Variants in CPNE8 observed in about 807,000 individuals in gnomAD.
CPNE8 encodes copine-8.
Under a neutral mutation model 81.5 loss-of-function variants are expected in CPNE8, and 45 were observed. The ratio of observed to expected loss-of-function variants is 0.55; its 90% CI spans 0.44 to 0.71. The LOEUF is 0.71. Among genes scored for constraint, CPNE8 ranks in the 30% least tolerant of loss-of-function variants. CPNE8 has a pLI of 0.00. For missense variants in CPNE8, 594 were observed against 672.1 expected (o/e 0.88, Z 1.28); for synonymous variants, 252 against 226.3 (o/e 1.11, Z -1.02).
intron 6 of CPNE8, among the ~76,000 whole-genome samples, chr12:38,811,181 T>C (rs1387575317): frequency 1.3e-5 from 2 of 151,890 alleles, no homozygotes; most frequent in African/African-American, 4.8e-5. Flanking sequence ...TTCCTAGGCA[T>C]ATAAGACATA....
intron 6 of CPNE8, among the ~76,000 whole-genome samples, chr12:38,811,103 A>G (rs944498083): frequency 9.2e-5 from 14 of 152,310 alleles, no homozygotes; most frequent in Middle Eastern, 3.4e-3. Flanking sequence ...GTGACACCAC[A>G]TAGCTAAGAT....
At chr12:38,840,132 G>T (rs748027390) in intron 4 of CPNE8, among the ~76,000 whole-genome samples, 177 bp from the exon 5 acceptor site, 9 of 152,114 alleles carry the variant, frequency 5.9e-5, no homozygotes, top group Non-Finnish European at 8.8e-5. Context: ...GCCAGTGGTA[G>T]AATTCATGAT....
chr12:38,720,025 G>A (rs1340347308), intron 13 of CPNE8, among the ~76,000 whole-genome samples: 1 of 151,862 alleles, frequency 6.6e-6, no homozygotes. Flanking sequence ...TCTTGCTGTC[G>A]CCCAGGCTGG....
At chr12:38,845,008 C>G (rs1565645540) in intron 4 of CPNE8, among the ~76,000 whole-genome samples, 2 of 151,848 alleles carry the variant, frequency 1.3e-5, no homozygotes, top group Non-Finnish European at 2.9e-5. Flanking sequence ...TTTGTCACAC[C>G]CAACTAAAAC....
chr12:38,880,069 C>T (rs1031478686), intron 1 of CPNE8, among the ~76,000 whole-genome samples: 6 of 152,136 alleles, frequency 3.9e-5, no homozygotes, highest in Non-Finnish European at 7.3e-5. Flanking sequence ...GACAAAAATA[C>T]AGTTTATAAG....
At chr12:38,717,429 G>GCATATATATATA (rs1555147070) in intron 13 of CPNE8, among the ~76,000 whole-genome samples, 18 of 87,032 alleles carry the variant, frequency 2.1e-4, no homozygotes, top group African/African-American at 8.3e-4. Context: ...AAAGTGTGGT[G>GCATATATATATA]TATATATATA....
chr12:38,808,563 T>G (rs1340936425), intron 6 of CPNE8, among the ~76,000 whole-genome samples: 1 of 124,096 alleles, frequency 8.1e-6, no homozygotes, highest in Admixed American at 1.1e-4. Flanking sequence ...TGAGAACACA[T>G]GGACACAAGA....
intron 14 of CPNE8, among the ~76,000 whole-genome samples, chr12:38,702,665 G>A (rs538615332): frequency 3.3e-5 from 5 of 151,824 alleles, no homozygotes; most frequent in African/African-American, 1.2e-4. Context: ...ATCTGAATGA[G>A]ACTATTAGCA....
rs1195759886 is a variant in CPNE8, at chr12:38,776,265, A to G, written c.444T>C (p.Leu148=). ...TGCAACAGTTTAATTCCTCTGCTGTAAGTATGATTGTACCACATTTCTTCC... is the reference window on the plus strand; with the variant it reads ...TGCAACAGTTTAATTCCTCTGCTGTGAGTATGATTGTACCACATTTCTTCC... ...IPGKKCGTII[L]TAEELNCCRD... The change falls in exon 7 of 20, where the codon CTT becomes CTC. Residue 148 remains leucine, a synonymous_variant. Coordinates refer to ENST00000331366, the MANE Select transcript of CPNE8 (RefSeq NM_153634.3). The G allele has an allele frequency of 1.3e-6, 2 of 1,554,866 alleles. No homozygotes were observed. Among genetic ancestry groups the G allele is most frequent in the East Asian group, 4.5e-5 (2 of 43,960 alleles).
chr12:38,776,202 G>T, intron 7 of CPNE8, 36 bp downstream of exon 7: 2 of 1,098,274 alleles, frequency 1.8e-6, no homozygotes, highest in Non-Finnish European at 2.7e-6. Flanking sequence ...TTTGAAGTAT[G>T]GAAGTATTTT....
At chr12:38,837,194 T>G (rs1565642288) in intron 5 of CPNE8, among the ~76,000 whole-genome samples, 1 of 152,134 alleles carries the variant, frequency 6.6e-6, no homozygotes, top group Non-Finnish European at 1.5e-5. Flanking sequence ...AAGCATTTTT[T>G]TGTTAGAAGG....
At chr12:38,852,809 T>G (rs1326651801) in intron 3 of CPNE8, among the ~76,000 whole-genome samples, 1 of 152,052 alleles carries the variant, frequency 6.6e-6, no homozygotes, top group Non-Finnish European at 1.5e-5. Flanking sequence ...GGTATATGTA[T>G]AGCATAATAC....
intron 6 of CPNE8, among the ~76,000 whole-genome samples, chr12:38,779,307 T>C (rs1592081261): frequency 6.6e-6 from 1 of 152,066 alleles, no homozygotes; most frequent in East Asian, 1.9e-4. Flanking sequence ...ATTTTTATGG[T>C]TACTTAGGGC....
At position 38,710,268 on chromosome 12, in the gene CPNE8, C is replaced by CAAAAAAAAAAAAAAAAAA. The variant is rs57376063; in HGVS notation, c.915-7365_915-7348dup. Among the ~76,000 whole-genome samples, 23 of 50,244 alleles carry CAAAAAAAAAAAAAAAAAA rather than the reference C, an allele frequency of 4.6e-4. 1 individual carries two copies. The highest frequency in any genetic ancestry group is 1.3e-3 in the East Asian group (2 of 1,540). The allele number at this position is 50,244 out of a possible 152,430, so 33.0% of individuals were successfully genotyped here. A position where few individuals can be genotyped will look rare whatever the true frequency, so the allele number is the denominator to read the frequency against. ...ATGTGACATAATCAAAATAAGCTAACAAAAAAAAAAAAAAAAAAAACCAAC... is the reference window on the plus strand; with the variant it reads ...ATGTGACATAATCAAAATAAGCTAACAAAAAAAAAAAAAAAAAAAAAAAAAAAAAAAAAAAAAACCAAC... On this transcript the variant is annotated intron_variant, in intron 13 of 19. Transcript: ENST00000331366.
intron 1 of CPNE8, among the ~76,000 whole-genome samples, chr12:38,902,350 A>C (rs1476416954): frequency 5.2e-5 from 5 of 96,480 alleles, no homozygotes; most frequent in Non-Finnish European, 9.5e-5. Flanking sequence ...GAAAGAAAGA[A>C]AGAAAGAAAG....
At chr12:38,657,725 T>C (rs929594774) in intron 19 of CPNE8, among the ~76,000 whole-genome samples, 2 of 152,132 alleles carry the variant, frequency 1.3e-5, no homozygotes, top group Non-Finnish European at 2.9e-5. Context: ...TATTTGCTGT[T>C]CTGCAGCCTC....
rs148436130 is a variant in CPNE8 at position 38,764,951 on chromosome 12, G to A, written c.575+2684C>T. 4.9e-3 allele frequency among the ~76,000 whole-genome samples: 746 copies of A among 152,224 alleles called. 5 individuals carry two copies. Among genetic ancestry groups the A allele is most frequent in the African/African-American group, 0.017 (694 of 41,546 alleles). Reference sequence around the variant, plus strand: ...CATCTTCAGACCAACATGTTCAACTGTCTACTGACTTTTTGGCCTCTTTGC... The same window carrying A: ...CATCTTCAGACCAACATGTTCAACTATCTACTGACTTTTTGGCCTCTTTGC... On this transcript the variant is annotated intron_variant, in intron 8 of 19. Transcript: ENST00000331366.
At chr12:38,848,519 A>G (rs1393313787) in intron 4 of CPNE8, 40 bp downstream of exon 4, 1 of 1,540,718 alleles carries the variant, frequency 6.5e-7, no homozygotes, top group East Asian at 2.4e-5. Flanking sequence ...ATTGTCTTTA[A>G]AATCAAATTT....
At chr12:38,826,069 C>T (rs1943185503) in intron 6 of CPNE8, among the ~76,000 whole-genome samples, 1 of 151,974 alleles carries the variant, frequency 6.6e-6, no homozygotes, top group East Asian at 1.9e-4. Context: ...TTTTGTAGTC[C>T]ATCTCTTTGC....
Sources: gnomAD v4.1 joint callset for allele counts (sites outside exome capture counted in the v4.1 genomes callset) on GRCh38, gnomAD v4.1.1 for gene constraint, MANE v1.5 for transcripts, NCBI Gene and HGNC (gene_info 2026-07-23, HGNC 2026-07-21) for gene names.